Variants in AUTS2 observed in about 807,000 individuals in gnomAD.
AUTS2 encodes autism susceptibility gene 2 protein.
AUTS2 carries 17 observed loss-of-function variants against 112.4 expected under a neutral mutation model. The observed-to-expected ratio is 0.15, with a 90% CI of 0.10 to 0.23. AUTS2 has a LOEUF of 0.23. AUTS2 is among the 10% of genes least tolerant of loss of function. The pLI, the probability that AUTS2 is intolerant of heterozygous loss-of-function variation, is 1.00. For missense variants in AUTS2, 1,510 were observed against 1,701.6 expected, an observed-to-expected ratio of 0.89 and a Z score of 1.98; for synonymous variants, 751 against 702.7, an observed-to-expected ratio of 1.07 and a Z score of -1.09.
chr7:69,737,596 C>T (rs923884780), intron 1 of AUTS2, among the ~76,000 whole-genome samples: 5 of 152,122 alleles, frequency 3.3e-5, no homozygotes, highest in African/African-American at 1.2e-4. Context: ...AACACACTCC[C>T]TAAGTCCCCA....
At chr7:69,649,566 C>G (rs115000808) in intron 1 of AUTS2, among the ~76,000 whole-genome samples, 1 of 151,958 alleles carries the variant, frequency 6.6e-6, no homozygotes, top group Non-Finnish European at 1.5e-5. Context: ...TCCTCCTTTC[C>G]GTGGCCAACT....
intron 5 of AUTS2, among the ~76,000 whole-genome samples, chr7:70,669,976 G>A (rs1271137222): frequency 6.6e-6 from 1 of 152,184 alleles, no homozygotes; most frequent in African/African-American, 2.4e-5. Flanking sequence ...TACTTGTAGA[G>A]TGGCCAAGGA....
intron 1 of AUTS2, among the ~76,000 whole-genome samples, chr7:69,634,337 G>A (rs951450122): frequency 6.6e-6 from 1 of 151,896 alleles, no homozygotes; most frequent in Non-Finnish European, 1.5e-5. Context: ...AGCCAGGATG[G>A]TCTCGATCTC....
intron 1 of AUTS2, among the ~76,000 whole-genome samples, chr7:69,895,570 T>A (rs1794712385): frequency 7.7e-6 from 1 of 129,414 alleles, no homozygotes; most frequent in Admixed American, 8.4e-5. Flanking sequence ...AAAATCTCAA[T>A]ATTAATTGGA....
chr7:70,737,141 G>C (rs1425879638), intron 6 of AUTS2, among the ~76,000 whole-genome samples: 1 of 152,198 alleles, frequency 6.6e-6, no homozygotes, highest in Non-Finnish European at 1.5e-5. Flanking sequence ...GTAAGAAATG[G>C]AAAAAGCAGG....
intron 1 of AUTS2, among the ~76,000 whole-genome samples, chr7:69,853,379 T>C (rs1792576211): frequency 6.6e-6 from 1 of 152,226 alleles, no homozygotes; most frequent in Non-Finnish European, 1.5e-5. Flanking sequence ...TCATTTTTAA[T>C]GTCCCTCTCT....
intron 1 of AUTS2, among the ~76,000 whole-genome samples, chr7:69,635,807 C>T (rs778724249): frequency 6.6e-6 from 1 of 152,232 alleles, no homozygotes; most frequent in Non-Finnish European, 1.5e-5. Flanking sequence ...AAACACTTGT[C>T]GCTACTGACA....
At chr7:70,226,345 C>G (rs1471450364) in intron 4 of AUTS2, among the ~76,000 whole-genome samples, 1 of 149,466 alleles carries the variant, frequency 6.7e-6, no homozygotes, top group Non-Finnish European at 1.5e-5. Context: ...AGGCGCCCAC[C>G]ACCATGCCCG....
At position 69,941,443 on chromosome 7, in the gene AUTS2, T is replaced by G. The variant is rs1453105648; in HGVS notation, c.522+41945T>G. 3.9e-5 allele frequency among the ~76,000 whole-genome samples: 6 copies of G among 152,330 alleles called. No individual in the cohort carries two copies. The East Asian group carries it at 9.7e-4, about 25-fold the overall frequency. ...GAACCACCAAAAGTGTCATTCTGATTACCATTTGTAACTAGGTGTTTTCTG... is the reference window on the plus strand; with the variant it reads ...GAACCACCAAAAGTGTCATTCTGATGACCATTTGTAACTAGGTGTTTTCTG... On this transcript the variant is annotated intron_variant, in intron 2 of 18. Transcript: ENST00000342771.
In AUTS2 at chr7:70,763,032, T is replaced by C; in HGVS notation, c.905T>C (p.Val302Ala). Residue 302 changes from valine (V) to alanine (A), a missense_variant, in exon 7 of 19, where the codon GTC (valine) becomes GCC (alanine). Coordinates refer to ENST00000342771, the MANE Select transcript of AUTS2 (RefSeq NM_015570.4). ...PVVLKDPCPQ[V>A]AQPIPQPQTE... ...GTGCTTAAAGACCCCTGCCCTCAGGTCGCACAGCCAATACCCCAGCCGCAG... is the reference window on the plus strand; with the variant it reads ...GTGCTTAAAGACCCCTGCCCTCAGGCCGCACAGCCAATACCCCAGCCGCAG... The C allele has an allele frequency of 6.2e-7, 1 of 1,613,976 alleles. No homozygotes were observed. Among genetic ancestry groups the C allele is most frequent in the African/African-American group, 1.3e-5 (1 of 74,964 alleles).
intron 6 of AUTS2, among the ~76,000 whole-genome samples, chr7:70,734,656 A>C (rs1787677329): frequency 1.3e-5 from 2 of 152,174 alleles, no homozygotes; most frequent in Admixed American, 1.3e-4. Flanking sequence ...GGCACTGAAT[A>C]GATTAGTCAG....
chr7:70,750,956 C>A (rs56360429), intron 6 of AUTS2, among the ~76,000 whole-genome samples: 61,210 of 151,982 alleles, frequency 0.4, 14,330 homozygotes, highest in African/African-American at 0.65. Context: ...CCTAGACCCA[C>A]CCATTGGCCA....
At chr7:70,245,516 A>G (rs1584926851) in intron 4 of AUTS2, among the ~76,000 whole-genome samples, 1 of 152,250 alleles carries the variant, frequency 6.6e-6, no homozygotes, top group Admixed American at 6.5e-5. Flanking sequence ...TATATTCTGC[A>G]GTTTGGTTTT....
At chr7:69,894,252 GTTTTTTTTTTTTT>G (rs370966756) in intron 1 of AUTS2, among the ~76,000 whole-genome samples, 2 of 36,740 alleles carry the variant, frequency 5.4e-5, no homozygotes, top group African/African-American at 1.3e-4. Flanking sequence ...GCCTTAAAGC[GTTTTTTTTTTTTT>G]TTTTTTTTTT....
rs543650373 is a variant in AUTS2, at chr7:69,859,478, CG to C, written c.310-39805del. On this transcript the variant is annotated intron_variant, in intron 1 of 18. Transcript: ENST00000342771. Reference sequence around the variant, plus strand: ...TGACAAACAGAGAGACTGTTAGTAACGGGCAGAAGTCATTAGTCTCAGACTC... The same window carrying C: ...TGACAAACAGAGAGACTGTTAGTAACGGCAGAAGTCATTAGTCTCAGACTC... 5.3e-5 allele frequency among the ~76,000 whole-genome samples: 8 copies of C among 152,274 alleles called. No homozygotes were observed. In the South Asian group the frequency reaches 1.7e-3, roughly 32 times the overall value.
intron 2 of AUTS2, among the ~76,000 whole-genome samples, chr7:69,922,434 T>C (rs971854680): frequency 3.9e-5 from 6 of 152,232 alleles, no homozygotes; most frequent in Admixed American, 2.0e-4. Flanking sequence ...TCTAAGACTT[T>C]AGAAATGGCT....
At position 70,791,209 on chromosome 7, in the gene AUTS2, C is replaced by T. The variant is rs12698938; in HGVS notation, c.*213C>T. ...AGATCTTTTAGCCCAGTCATATGTT[C>T]TCACGTCTCCTACTTTTTGTTTCTC... On this transcript the variant is annotated 3_prime_UTR_variant, in exon 19 of 19. Coordinates refer to ENST00000342771, the MANE Select transcript of AUTS2 (RefSeq NM_015570.4). The T allele has an allele frequency of 0.061, 27,248 of 446,016 alleles. 1,020 individuals carry two copies. The highest frequency in any genetic ancestry group is 0.13 in the Middle Eastern group (218 of 1,662). 27.6% of individuals were successfully genotyped at this position (446,016 alleles called of 1,614,324 possible).
rs868379977 is a variant in AUTS2, at chr7:70,773,819, T to C, written c.1831-209T>C. On this transcript the variant is annotated intron_variant, in intron 11 of 18. Transcript: ENST00000342771. Reference sequence around the variant, plus strand: ...AAATGTTCTGGGGACCTCTCTCTGCTTTTACATGCCATTGCTGGAGAGAGC... The same window carrying C: ...AAATGTTCTGGGGACCTCTCTCTGCCTTTACATGCCATTGCTGGAGAGAGC... Among the ~76,000 whole-genome samples the C allele has an allele frequency of 2.6e-5, 4 of 152,360 alleles. No individual in the cohort carries two copies. In the South Asian group the frequency reaches 6.2e-4, roughly 24 times the overall value.
chr7:70,560,649 A>G (rs999789447), intron 5 of AUTS2, among the ~76,000 whole-genome samples: 5 of 152,254 alleles, frequency 3.3e-5, no homozygotes, highest in Non-Finnish European at 7.3e-5. Context: ...TTTTCTTAAT[A>G]TTTTGTGAAA....
Sources: allele counts gnomAD v4.1 joint callset (sites outside exome capture counted in the v4.1 genomes callset), GRCh38; gene constraint gnomAD v4.1.1; transcripts MANE v1.5; gene names NCBI Gene and HGNC (gene_info 2026-07-23, HGNC 2026-07-21).